The following MAML2 variants were observed in gnomAD, a reference collection of about 807,000 sequenced individuals.
The protein encoded by MAML2 is mastermind like transcriptional coactivator 2.
MAML2 carries 22 observed loss-of-function variants against 96.1 expected under a neutral mutation model. The observed-to-expected ratio is 0.23, with a 90% confidence interval of 0.16 to 0.33. The LOEUF is 0.33. MAML2 is among the 10% of genes least tolerant of loss of function. MAML2 has a pLI of 1.00. For synonymous variants in MAML2, 561 were observed against 521.3 expected, an observed-to-expected ratio of 1.08 and a Z score of -1.04; for missense variants, 1,367 against 1,392.4, an observed-to-expected ratio of 0.98 and a Z score of 0.29.
At chr11:96,175,865 G>T (rs1164607851) in intron 1 of MAML2, among the ~76,000 whole-genome samples, 1 of 152,086 alleles carries the variant, frequency 6.6e-6, no homozygotes, top group Non-Finnish European at 1.5e-5. Context: ...GCCTCCCAAA[G>T]TGCTGGGATT....
intron 1 of MAML2, among the ~76,000 whole-genome samples, chr11:96,308,597 T>C (rs550786172): frequency 9.2e-5 from 14 of 152,308 alleles, no homozygotes; most frequent in African/African-American, 3.4e-4. Context: ...TTAAGCTAAA[T>C]AAACAAATGG....
chr11:96,342,696 A>T lies in MAML2; in HGVS notation c.-801T>A, dbSNP rs1864016096. ...TGGACCATGCTTTTTTCTTCAGCTA[A>T]TCCAATCACCGGTAAAATCCTCACT... On this transcript the variant is annotated 5_prime_UTR_variant, in exon 1 of 5. Transcript: ENST00000524717. 1 of 347,332 alleles carries T rather than the reference A, an allele frequency of 2.9e-6. No individual in the cohort carries two copies. Among genetic ancestry groups the T allele is most frequent in the African/African-American group, 2.1e-5 (1 of 47,936 alleles). The allele number at this position is 347,332 out of a possible 1,614,324, so 21.5% of individuals were successfully genotyped here.
At chr11:96,007,881 TG>T (rs1476616376) in intron 2 of MAML2, among the ~76,000 whole-genome samples, 3 of 20,514 alleles carry the variant, frequency 1.5e-4, no homozygotes, top group Admixed American at 1.4e-3. Context: ...TGTGGTGGGG[TG>T]GGGGGAGGGG....
intron 1 of MAML2, among the ~76,000 whole-genome samples, chr11:96,276,000 C>T (rs1226845054): frequency 3.9e-5 from 6 of 152,248 alleles, no homozygotes; most frequent in Non-Finnish European, 8.8e-5. Flanking sequence ...GGTGAGTAGG[C>T]TAAGTAAGAA....
chr11:96,047,930 A>AAAAAAAAAAAAAAAAAAAAAAAAAAG (rs1555001442), intron 2 of MAML2, among the ~76,000 whole-genome samples: 1 of 127,400 alleles, frequency 7.8e-6, no homozygotes, highest in Non-Finnish European at 1.6e-5. Context: ...AAAAAAAAAA[A>AAAAAAAAAAAAAAAAAAAAAAAAAAG]AAAAGAAAAA....
intron 2 of MAML2, among the ~76,000 whole-genome samples, chr11:96,034,198 G>A (rs997026382): frequency 1.3e-5 from 2 of 152,134 alleles, no homozygotes; most frequent in Non-Finnish European, 2.9e-5. Flanking sequence ...CTAAAACATT[G>A]TAGTACTTTA....
At chr11:96,224,348 T>C (rs976934386) in intron 1 of MAML2, among the ~76,000 whole-genome samples, 5 of 152,188 alleles carry the variant, frequency 3.3e-5, no homozygotes, top group African/African-American at 1.2e-4. Flanking sequence ...TGTTACCGTA[T>C]TCAAGGGGCT....
intron 1 of MAML2, among the ~76,000 whole-genome samples, chr11:96,224,377 C>T (rs755413133): frequency 6.6e-6 from 1 of 152,162 alleles, no homozygotes; most frequent in Non-Finnish European, 1.5e-5. Context: ...TCCTTCCAAC[C>T]TTAAATTCCA....
chr11:96,188,463 T>A (rs1230181917), intron 1 of MAML2, among the ~76,000 whole-genome samples: 3 of 152,268 alleles, frequency 2.0e-5, no homozygotes, highest in East Asian at 1.9e-4. Flanking sequence ...GAACTTCTGA[T>A]GAGAAAACCA....
At chr11:96,213,567 G>A (rs548205204) in intron 1 of MAML2, among the ~76,000 whole-genome samples, 124 of 152,336 alleles carry the variant, frequency 8.1e-4, no homozygotes, top group Non-Finnish European at 1.4e-3. Context: ...CTTAAGAAGT[G>A]TAGATGGCAG....
intron 2 of MAML2, among the ~76,000 whole-genome samples, chr11:96,060,936 T>C (rs1565202602): frequency 6.6e-6 from 1 of 152,174 alleles, no homozygotes; most frequent in Non-Finnish European, 1.5e-5. Context: ...TTCCATGTCA[T>C]AGAAAGAGAG....
intron 1 of MAML2, among the ~76,000 whole-genome samples, chr11:96,324,101 G>A (rs1023483930): frequency 6.6e-6 from 1 of 152,214 alleles, no homozygotes; most frequent in East Asian, 1.9e-4. Context: ...TGGACCATGT[G>A]TAAGTTGAGT....
chr11:96,169,680 G>T (rs1861251604), intron 1 of MAML2, among the ~76,000 whole-genome samples: 1 of 120,120 alleles, frequency 8.3e-6, no homozygotes, highest in African/African-American at 3.3e-5. Context: ...TTTTGAGATG[G>T]AGTCTAGCTC....
At chr11:96,174,094 C>G (rs1218408656) in intron 1 of MAML2, among the ~76,000 whole-genome samples, 2 of 152,192 alleles carry the variant, frequency 1.3e-5, no homozygotes, top group African/African-American at 4.8e-5. Flanking sequence ...GGCCTGTCCT[C>G]CCATCCCAGT....
intron 1 of MAML2, among the ~76,000 whole-genome samples, chr11:96,240,537 G>A (rs1376682973): frequency 7.4e-5 from 6 of 80,988 alleles, no homozygotes; most frequent in African/African-American, 8.4e-5. Flanking sequence ...CGGCCTGGGC[G>A]ACAGAGCGAG....
chr11:96,175,441 C>G (rs993512609), intron 1 of MAML2, among the ~76,000 whole-genome samples: 1 of 152,192 alleles, frequency 6.6e-6, no homozygotes, highest in Non-Finnish European at 1.5e-5. Flanking sequence ...TACCACAGAC[C>G]TTGTCATACA....
intron 2 of MAML2, among the ~76,000 whole-genome samples, chr11:96,009,200 G>C (rs1314253247): frequency 6.6e-6 from 1 of 152,196 alleles, no homozygotes; most frequent in Non-Finnish European, 1.5e-5. Context: ...GCTAACGATG[G>C]CCATTCGCAT....
intron 1 of MAML2, among the ~76,000 whole-genome samples, chr11:96,283,850 AT>A (rs980837610): frequency 9.9e-5 from 15 of 152,104 alleles, no homozygotes; most frequent in Non-Finnish European, 2.2e-4. Context: ...AAAATTTGAG[AT>A]TTTTTGGTCT....
At chr11:96,179,523 C>T (rs751316323) in intron 1 of MAML2, among the ~76,000 whole-genome samples, 6 of 152,110 alleles carry the variant, frequency 3.9e-5, no homozygotes, top group African/African-American at 7.2e-5. Context: ...ATCAGATGGC[C>T]GAGACTTAAG....
Sources: allele counts gnomAD v4.1 joint callset (sites outside exome capture counted in the v4.1 genomes callset), GRCh38; gene constraint gnomAD v4.1.1; transcripts MANE v1.5; gene names NCBI Gene and HGNC (gene_info 2026-07-23, HGNC 2026-07-21).